The following OXNAD1 variants were observed in gnomAD, a reference collection of about 807,000 sequenced individuals.
The protein encoded by OXNAD1 is oxidoreductase NAD-binding domain-containing protein 1.
OXNAD1 carries 34 observed loss-of-function variants against 32.9 expected under a neutral mutation model. The observed-to-expected ratio is 1.03, with a 90% CI of 0.79 to 1.38. The LOEUF (loss-of-function observed/expected upper bound fraction) is 1.38, where lower values mean the gene tolerates loss of function less well. Ranked by LOEUF, OXNAD1 falls within the 40% of genes most tolerant of loss-of-function variation. The pLI is 0.00. For synonymous variants in OXNAD1, 134 were observed against 135.2 expected (o/e 0.99, Z 0.06); for missense variants, 407 against 379.4 (o/e 1.07, Z -0.60).
rs2068381175 is a variant in OXNAD1 at position 16,316,268 on chromosome 3, A to T, written c.*30+12676A>T. ...CCAGTATCTATAGGACTATTTTGAG[A>T]AAAGCTGGGAGGCGGAGCACCTCCC... On this transcript the variant is annotated intron_variant, in intron 9 of 9. Coordinates refer to the OXNAD1 transcript ENST00000435829. The surrounding 1 kb of genome is among the most constrained non-coding windows in gnomAD (Gnocchi z 4.5). 1 of 160,604 alleles carries T rather than the reference A, an allele frequency of 6.2e-6. No homozygotes were observed. The highest frequency in any genetic ancestry group is 1.3e-5 in the Non-Finnish European group (1 of 74,178). 9.9% of individuals were successfully genotyped at this position (160,604 alleles called of 1,614,324 possible).
At chr3:16,323,393 T>C (rs2069304088) in intron 9 of OXNAD1, 1 of 1,610,238 alleles carries the variant, frequency 6.2e-7, no homozygotes, top group Non-Finnish European at 8.5e-7. Context: ...TCCTTCTTCT[T>C]GATTTTCTGA....
At position 16,289,445 on chromosome 3, in the gene OXNAD1, T is replaced by C. The variant is rs1372396652; in HGVS notation, c.290+2997T>C. On this transcript the variant is annotated intron_variant, in intron 5 of 8. Coordinates refer to ENST00000285083, the MANE Select transcript of OXNAD1 (RefSeq NM_138381.5). This position sits in a 1 kb window ranked among gnomAD's most constrained non-coding sequence, Gnocchi z 4.9. ...AATTCCTGGTCCTAGTGTGTCTGAC[T>C]TTCTACAAGATAACATAAGTTTAGA... 6.6e-6 allele frequency among the ~76,000 whole-genome samples: 1 copy of C among 152,210 alleles called. No homozygotes were observed. The highest frequency in any genetic ancestry group is 1.5e-5 in the Non-Finnish European group (1 of 68,030).
chr3:16,302,714 A>T lies in OXNAD1; in HGVS notation c.750A>T (p.Thr250=). 1 of 1,613,366 alleles carries T rather than the reference A, an allele frequency of 6.2e-7. No individual in the cohort carries two copies. Among genetic ancestry groups the T allele is most frequent in the Admixed American group, 1.7e-5 (1 of 59,986 alleles). Residue 250 remains threonine (T), a synonymous_variant, in exon 8 of 9, where the codon ACA becomes ACT. Coordinates refer to ENST00000285083, the MANE Select transcript of OXNAD1 (RefSeq NM_138381.5). This position sits in a 1 kb window ranked among gnomAD's most constrained non-coding sequence, Gnocchi z 4.2. ...ACSLHVTKQT[T]QINAELKPYI... is the part of the protein sequence containing the mutation. ...GTTTGCATGTTACAAAACAGACTAC[A>T]CAAATCAATGCGGAACTCAAGCCAT...
chr3:16,279,338 G>A (rs1440116648), intron 4 of OXNAD1, among the ~76,000 whole-genome samples: 1 of 152,178 alleles, frequency 6.6e-6, no homozygotes, highest in Non-Finnish European at 1.5e-5. Context: ...TAACTCTTCT[G>A]TGAGTTGAAG....
chr3:16,333,176 G>A (rs2070497314), intron 9 of OXNAD1, among the ~76,000 whole-genome samples: 1 of 152,174 alleles, frequency 6.6e-6, no homozygotes, highest in Admixed American at 6.5e-5. Context: ...ATGCATAGGG[G>A]CTATTTTTAA....
At chr3:16,333,917 G>A (rs1457121353) in intron 9 of OXNAD1, among the ~76,000 whole-genome samples, 6 of 152,198 alleles carry the variant, frequency 3.9e-5, no homozygotes, top group Non-Finnish European at 8.8e-5. Flanking sequence ...TGTAATCCCA[G>A]CACTTTGGGA....
rs2066168781 is a variant in OXNAD1 at position 16,287,738 on chromosome 3, G to A, written c.290+1290G>A. Among the ~76,000 whole-genome samples the A allele has an allele frequency of 6.6e-6, 1 of 152,220 alleles. No individual in the cohort carries two copies. The highest frequency in any genetic ancestry group is 1.5e-5 in the Non-Finnish European group (1 of 68,032). On this transcript the variant is annotated intron_variant, in intron 5 of 8. Coordinates refer to ENST00000285083, the MANE Select transcript of OXNAD1 (RefSeq NM_138381.5). The surrounding 1 kb of genome is among the most constrained non-coding windows in gnomAD (Gnocchi z 4.8). ...TGCTGCCACCGTGGTGTGCCTGCAA[G>A]TGTAATGCACTTGCTAACCTCAGTT...
At position 16,312,158 on chromosome 3, in the gene OXNAD1, T is replaced by TG. The variant is rs2068022871; in HGVS notation, c.*30+8566_*30+8567insG. ...AACAGGAACCTGTGGTGAACATCACTTTGCTTCCTTCTCTGGCAACAGCTG... is the reference window on the plus strand; with the variant it reads ...AACAGGAACCTGTGGTGAACATCACTGTTGCTTCCTTCTCTGGCAACAGCTG... On this transcript the variant is annotated intron_variant, in intron 9 of 9. Coordinates refer to the OXNAD1 transcript ENST00000435829. The surrounding 1 kb of genome is among the most constrained non-coding windows in gnomAD (Gnocchi z 4.7). 6.6e-6 allele frequency among the ~76,000 whole-genome samples: 1 copy of TG among 152,176 alleles called. No individual in the cohort carries two copies. Among genetic ancestry groups the TG allele is most frequent in the Non-Finnish European group, 1.5e-5 (1 of 68,024 alleles).
chr3:16,332,304 A>T, intron 9 of OXNAD1, among the ~76,000 whole-genome samples: 2 of 150,184 alleles, frequency 1.3e-5, no homozygotes, highest in African/African-American at 2.5e-5. Context: ...TACTCTTTTA[A>T]TTTTGCTTTC....
Position 16,316,981 on chromosome 3 carries a change from C to A in OXNAD1, c.*30+13389C>A, listed in dbSNP as rs761070522. 6.2e-7 allele frequency: 1 copy of A among 1,613,944 alleles called. No individual in the cohort carries two copies. The highest frequency in any genetic ancestry group is 8.5e-7 in the Non-Finnish European group (1 of 1,180,018). On this transcript the variant is annotated intron_variant, in intron 9 of 9. Coordinates refer to the OXNAD1 transcript ENST00000435829. This position sits in a 1 kb window ranked among gnomAD's most constrained non-coding sequence, Gnocchi z 4.5. ...GCACAGCCTCACCCTCCACACCCACCCCACACAGCAGGCCACCAGGGGACA... is the reference window on the plus strand; with the variant it reads ...GCACAGCCTCACCCTCCACACCCACACCACACAGCAGGCCACCAGGGGACA...
At position 16,316,718 on chromosome 3, in the gene OXNAD1, C is replaced by A. The variant is rs1195460675; in HGVS notation, c.*30+13126C>A. 1 of 1,363,348 alleles carries A rather than the reference C, an allele frequency of 7.3e-7. No homozygotes were observed. The highest frequency in any genetic ancestry group is 1.0e-6 in the Non-Finnish European group (1 of 967,228). 84.5% of individuals were successfully genotyped at this position (1,363,348 alleles called of 1,614,324 possible). On this transcript the variant is annotated intron_variant, in intron 9 of 9. Transcript: ENST00000435829. The surrounding 1 kb of genome is among the most constrained non-coding windows in gnomAD (Gnocchi z 4.5). The stretch of plus-strand genomic sequence containing the variant: ...GCTCACAAGGAGAGGTCAAGCCAAG[C>A]CAAAGGGTAGGTAACACACAACACC...
In OXNAD1 at chr3:16,327,054, C is replaced by T. The variant is rs2069777097; in HGVS notation, c.*31-10058C>T. Among the ~76,000 whole-genome samples the T allele has an allele frequency of 1.3e-5, 2 of 152,196 alleles. No homozygotes were observed. Among genetic ancestry groups the T allele is most frequent in the Non-Finnish European group, 2.9e-5 (2 of 68,030 alleles). ...CTTTAAAAGTTTGGAGTCAAACTGC[C>T]AACATGGGATTTCCTTCTGGGCCCC... On this transcript the variant is annotated intron_variant, in intron 9 of 9. Transcript: ENST00000435829. The surrounding 1 kb of genome is among the most constrained non-coding windows in gnomAD (Gnocchi z 4.2).
chr3:16,335,776 TAAAAA>T lies in OXNAD1; in HGVS notation c.*31-1321_*31-1317del, dbSNP rs540104859. 1.1e-4 allele frequency among the ~76,000 whole-genome samples: 15 copies of T among 136,662 alleles called. No homozygotes were observed. The highest frequency in any genetic ancestry group is 1.6e-4 in the Non-Finnish European group (10 of 62,540). 89.7% of individuals were successfully genotyped at this position (136,662 alleles called of 152,430 possible). On this transcript the variant is annotated intron_variant, in intron 9 of 9. Coordinates refer to the OXNAD1 transcript ENST00000435829. This position sits in a 1 kb window ranked among gnomAD's most constrained non-coding sequence, Gnocchi z 4.7. ...ATCCTGCACTTGCACCCTGGAACTT[TAAAAA>T]AAAAAAAAAAAAAAGGAGTTTGATC...
rs114285477 is a variant in OXNAD1, at chr3:16,277,649, C to T, written c.183+5927C>T. Among the ~76,000 whole-genome samples, 467 of 152,302 alleles carry T rather than the reference C, an allele frequency of 3.1e-3. 1 individual carries two copies. The highest frequency in any genetic ancestry group is 0.011 in the African/African-American group (441 of 41,560). Reference sequence around the variant, plus strand: ...GGAAGCTCCAGCTCAGAATTCCTAGCTAAAGGACTGTGTTGCTACTCTTGG... The same window carrying T: ...GGAAGCTCCAGCTCAGAATTCCTAGTTAAAGGACTGTGTTGCTACTCTTGG... On this transcript the variant is annotated intron_variant, in intron 4 of 8. Transcript: ENST00000285083. This position sits in a 1 kb window ranked among gnomAD's most constrained non-coding sequence, Gnocchi z 4.3.
Position 16,305,827 on chromosome 3 carries a change from C to T in OXNAD1, c.*2265C>T, listed in dbSNP as rs942023141. On this transcript the variant is annotated 3_prime_UTR_variant, in exon 9 of 9. Transcript: ENST00000285083. This position sits in a 1 kb window ranked among gnomAD's most constrained non-coding sequence, Gnocchi z 4.5. ...ACCTACCTACATGATAGGGCTGTTA[C>T]GGGGATTGAAGGTGATCATACATGT... is the stretch of plus-strand genomic sequence containing the variant. 2 of 152,164 alleles carry T rather than the reference C, an allele frequency of 1.3e-5. No individual in the cohort carries two copies. Among genetic ancestry groups the T allele is most frequent in the African/African-American group, 2.4e-5 (1 of 41,438 alleles). The allele number at this position is 152,164 out of a possible 1,614,324, so 9.4% of individuals were successfully genotyped here.
rs1490282873 is a variant in OXNAD1, at chr3:16,271,088, T to C, written c.119+17T>C. ...TCTAACCAGGTGAGTCATTAAGACT[T>C]CTGTGTCATTTGAAGTTAATTTTCA... On this transcript the variant is annotated intron_variant, in intron 3 of 8. Transcript: ENST00000285083. The surrounding 1 kb of genome is among the most constrained non-coding windows in gnomAD (Gnocchi z 4.6). 6.2e-7 allele frequency: 1 copy of C among 1,611,610 alleles called. No homozygotes were observed. The highest frequency in any genetic ancestry group is 2.2e-5 in the East Asian group (1 of 44,842).
downstream of OXNAD1, among the ~76,000 whole-genome samples, chr3:16,306,460 A>G (rs899254743): frequency 6.6e-5 from 10 of 152,232 alleles, no homozygotes; most frequent in Admixed American, 3.9e-4. Flanking sequence ...ACAAGTGACA[A>G]TGATTCCTTA....
In OXNAD1 at chr3:16,265,868, C is replaced by T. The variant is rs1310183778; in HGVS notation, c.-159+363C>T. ...AGGAACAAATTACTTATGTGAGTAC[C>T]AGTTTTTTCGTTGTGAAAGAAATGG... On this transcript the variant is annotated intron_variant, in intron 1 of 8. Coordinates refer to ENST00000285083, the MANE Select transcript of OXNAD1 (RefSeq NM_138381.5). The surrounding 1 kb of genome is among the most constrained non-coding windows in gnomAD (Gnocchi z 4.8). 1.0e-6 allele frequency: 1 copy of T among 985,092 alleles called. No homozygotes were observed. Among genetic ancestry groups the T allele is most frequent in the Non-Finnish European group, 1.2e-6 (1 of 829,800 alleles). The allele number at this position is 985,092 out of a possible 1,614,324, so 61.0% of individuals were successfully genotyped here. A position where few individuals can be genotyped will look rare whatever the true frequency, so the allele number is the denominator to read the frequency against.
chr3:16,291,060 A>G (rs2066399103), intron 5 of OXNAD1, among the ~76,000 whole-genome samples: 1 of 152,192 alleles, frequency 6.6e-6, no homozygotes, highest in Non-Finnish European at 1.5e-5. Flanking sequence ...TCACCAAAAA[A>G]GGGTTTCTGT....
Sources: gnomAD v4.1 joint callset for allele counts (sites outside exome capture counted in the v4.1 genomes callset) on GRCh38, gnomAD v4.1.1 for gene constraint, Gnocchi (gnomAD v3.1) non-coding constraint, MANE v1.5 for transcripts, NCBI Gene and HGNC (gene_info 2026-07-23, HGNC 2026-07-21) for gene names.